Variants in OIT3 observed in about 807,000 individuals in gnomAD.
OIT3 encodes the protein oncoprotein induced transcript 3.
A neutral mutation model predicts 52.2 loss-of-function variants in OIT3; 41 were observed. That is an observed-to-expected ratio of 0.79 (90% CI 0.61 to 1.02). The LOEUF (loss-of-function observed/expected upper bound fraction) is 1.02, where lower values mean the gene tolerates loss of function less well. Among genes scored for constraint, OIT3 ranks in the 50% least tolerant of loss-of-function variants. The probability of loss-of-function intolerance (pLI) is 0.00; values close to 1 mark genes in which losing one functional copy is unlikely to be tolerated. For synonymous variants in OIT3, 244 were observed against 276.9 expected (o/e 0.88, Z 1.18); for missense variants, 634 against 715.5 (o/e 0.89, Z 1.30).
At chr10:72,926,882 CAATA>C (rs1467972020) in intron 7 of OIT3, among the ~76,000 whole-genome samples, 1 of 151,936 alleles carries the variant, frequency 6.6e-6, no homozygotes, top group African/African-American at 2.4e-5. Context: ...TATTCACATA[CAATA>C]AATAGACATA....
chr10:72,929,099 G>C (rs1473539138), intron 7 of OIT3, among the ~76,000 whole-genome samples: 2 of 151,882 alleles, frequency 1.3e-5, no homozygotes, highest in Non-Finnish European at 2.9e-5. Context: ...CCCACTGAGG[G>C]GCTGAGGCAG....
intron 1 of OIT3, among the ~76,000 whole-genome samples, chr10:72,895,075 T>C (rs1422876084): frequency 1.3e-5 from 2 of 152,060 alleles, no homozygotes; most frequent in African/African-American, 4.8e-5. Context: ...ACCATGCCAA[T>C]GTGTGGTAAA....
At chr10:72,904,494 G>T (rs1845961612) in intron 3 of OIT3, among the ~76,000 whole-genome samples, 1 of 152,118 alleles carries the variant, frequency 6.6e-6, no homozygotes, top group Non-Finnish European at 1.5e-5. Context: ...GTATAATGAG[G>T]AAAGGGAAAG....
chr10:72,919,939 G>A (rs1298179944), intron 6 of OIT3, among the ~76,000 whole-genome samples: 2 of 152,244 alleles, frequency 1.3e-5, no homozygotes, highest in Admixed American at 6.5e-5. Context: ...CCAGATTTTG[G>A]TTCAGGATGA....
Position 72,913,463 on chromosome 10 carries a change from G to C in OIT3, c.946G>C (p.Val316Leu). The change falls in exon 6 of 9, where the codon GTC becomes CTC. Residue 316 changes from valine (V) to leucine (L), a missense_variant. Transcript: ENST00000334011. ...CTCTCTCAAGACATGTGGTACAGTG[G>C]TCGATGTAGGTTCCTCCTGGAGGGC... ...LFSLKTCGTV[V>L]DVVNDKIVAS... is the part of the protein sequence containing the mutation. 6.2e-7 allele frequency: 1 copy of C among 1,604,600 alleles called. No individual in the cohort carries two copies. The highest frequency in any genetic ancestry group is 8.5e-7 in the Non-Finnish European group (1 of 1,172,530).
At chr10:72,893,937 C>A in intron 1 of OIT3, 78 bp downstream of exon 1, 2 of 986,612 alleles carry the variant, frequency 2.0e-6, no homozygotes, top group Non-Finnish European at 1.5e-6. Flanking sequence ...TGATTAAGAA[C>A]TAGATTCCAG....
rs1228600654 is a variant in OIT3, at chr10:72,932,499, C to T, written c.1613C>T (p.Pro538Leu). 23 of 1,609,374 alleles carry T rather than the reference C, an allele frequency of 1.4e-5. No homozygotes were observed. The highest frequency in any genetic ancestry group is 2.7e-5 in the African/African-American group (2 of 74,824). ...GLQGQTLTGGPIRIDWED is the reference protein window; with the variant it reads ...GLQGQTLTGGLIRIDWED ...CAGGGCCAGACGCTAACAGGCGGCC[C>T]GATCCGCATCGACTGGGAGGACTAG... Residue 538 changes from proline to leucine, a missense_variant, in exon 9 of 9, where the codon CCG becomes CTG. Coordinates refer to ENST00000334011, the MANE Select transcript of OIT3 (RefSeq NM_152635.3).
chr10:72,893,955 A>G, intron 1 of OIT3, 96 bp downstream of exon 1: 1 of 731,048 alleles, frequency 1.4e-6, no homozygotes, highest in Non-Finnish European at 2.2e-6. Context: ...CAGTACCTTA[A>G]ATGCTAGCTC....
At chr10:72,925,686 C>T (rs1220667284) in intron 7 of OIT3, among the ~76,000 whole-genome samples, 1 of 152,114 alleles carries the variant, frequency 6.6e-6, no homozygotes, top group Non-Finnish European at 1.5e-5. Context: ...AAACACAGCT[C>T]ACTGCAACCT....
chr10:72,930,891 A>G (rs1846211397), intron 8 of OIT3, among the ~76,000 whole-genome samples: 1 of 152,162 alleles, frequency 6.6e-6, no homozygotes, highest in South Asian at 2.1e-4. Context: ...AAAATACTAT[A>G]GGATCATAAT....
chr10:72,914,209 T>C (rs752079907), intron 6 of OIT3, among the ~76,000 whole-genome samples: 1 of 152,108 alleles, frequency 6.6e-6, no homozygotes, highest in Non-Finnish European at 1.5e-5. Context: ...GAGTTTAGCC[T>C]ACTGGAAAAT....
intron 7 of OIT3, among the ~76,000 whole-genome samples, chr10:72,924,999 T>G (rs2132947708): frequency 1.3e-5 from 2 of 151,272 alleles, no homozygotes; most frequent in South Asian, 4.2e-4. Context: ...TAATCCCAGC[T>G]ACTCAAGAGG....
At chr10:72,908,905 A>G (rs1488848244) in intron 4 of OIT3, among the ~76,000 whole-genome samples, 3 of 150,736 alleles carry the variant, frequency 2.0e-5, no homozygotes, top group African/African-American at 7.3e-5. Flanking sequence ...TGATAATTAT[A>G]TGTTCTTTTT....
intron 2 of OIT3, among the ~76,000 whole-genome samples, chr10:72,899,748 GATAGAT>G (rs1845914732): frequency 7.3e-6 from 1 of 136,794 alleles, no homozygotes; most frequent in African/African-American, 3.0e-5. Flanking sequence ...TAGATAGATA[GATAGAT>G]AGATGATAGA....
At chr10:72,918,536 G>A (rs777129984) in intron 6 of OIT3, 13 of 1,400,944 alleles carry the variant, frequency 9.3e-6, no homozygotes, top group African/African-American at 4.2e-5. Context: ...ATCTTCCATC[G>A]GGTGGCGGCA....
chr10:72,906,472 G>C, intron 3 of OIT3, 124 bp from the exon 4 acceptor site: 3 of 1,011,056 alleles, frequency 3.0e-6, no homozygotes, highest in South Asian at 1.5e-5. Flanking sequence ...CTGGATCAGA[G>C]GGGGAGCTGG....
In OIT3 at chr10:72,906,607, T is replaced by G; in HGVS notation, c.556T>G (p.Cys186Gly). The G allele has an allele frequency of 6.2e-7, 1 of 1,613,900 alleles. No individual in the cohort carries two copies. The highest frequency in any genetic ancestry group is 8.5e-7 in the Non-Finnish European group (1 of 1,179,888). ...DRQTCFDENE[C>G]EQNNGGCSEI... ...TTTCTCTTCTGCAGATGAAAATGAATGTGAGCAAAACAACGGTGGCTGCAG... is the reference window on the plus strand; with the variant it reads ...TTTCTCTTCTGCAGATGAAAATGAAGGTGAGCAAAACAACGGTGGCTGCAG... The change falls in exon 4 of 9, where the codon TGT becomes GGT. Residue 186 changes from cysteine (C) to glycine (G), a missense_variant. By Grantham distance (159) the Cys-to-Gly change is radical. Transcript: ENST00000334011.
intron 8 of OIT3, 132 bp from the exon 9 acceptor site, chr10:72,932,222 A>AACTC (rs2132953387): frequency 1.2e-6 from 1 of 813,058 alleles, no homozygotes; most frequent in East Asian, 2.6e-5. Context: ...GGGGATGATA[A>AACTC]ACTCTACTTG....
chr10:72,928,649 C>A (rs894844434), intron 7 of OIT3, among the ~76,000 whole-genome samples: 7 of 152,124 alleles, frequency 4.6e-5, no homozygotes, highest in African/African-American at 1.7e-4. Flanking sequence ...TCTGCAGCAA[C>A]CAGCAGGGTG....
Sources: allele counts gnomAD v4.1 joint callset (sites outside exome capture counted in the v4.1 genomes callset), GRCh38; gene constraint gnomAD v4.1.1; transcripts MANE v1.5; gene names NCBI Gene and HGNC (gene_info 2026-07-23, HGNC 2026-07-21).